Variants in EDA observed in about 807,000 individuals in gnomAD.
EDA encodes the protein ectodysplasin A.
A neutral mutation model predicts 23.6 loss-of-function variants in EDA; 2 were observed. The observed-to-expected ratio is 0.08, with a 90% CI of 0.03 to 0.27. The LOEUF (loss-of-function observed/expected upper bound fraction) is 0.27, where lower values mean the gene tolerates loss of function less well. Among genes scored for constraint, EDA ranks in the 10% least tolerant of loss-of-function variants. The pLI is 1.00. For missense variants in EDA, 229 were observed against 324.2 expected (o/e 0.71, Z 2.26); for synonymous variants, 131 against 132.0 (o/e 0.99, Z 0.05).
Position 69,969,947 on chromosome X carries a change from T to A in EDA, c.502+12815T>A, listed in dbSNP as rs762240408. On this transcript the variant is annotated intron_variant, in intron 2 of 7. Coordinates refer to ENST00000374552, the MANE Select transcript of EDA (RefSeq NM_001399.5). ...AGCAAGACCCCCATCTCAAAAAAAA[T>A]TTTTTTTAATTGGCCAAGCTGGGTG... Among the ~76,000 whole-genome samples the A allele has an allele frequency of 1.8e-3, 203 of 109,936 alleles. 1 individual carries two copies. The highest frequency in any genetic ancestry group is 3.1e-3 in the Admixed American group (32 of 10,281).
At chrX:69,881,134 T>A (rs1416332116) in intron 1 of EDA, among the ~76,000 whole-genome samples, 1 of 111,423 alleles carries the variant, frequency 9.0e-6, no homozygotes, top group African/African-American at 3.3e-5. Flanking sequence ...GCAAAGCCAG[T>A]GACCAGTTTG....
At chrX:69,671,694 G>A (rs1311671728) in intron 1 of EDA, among the ~76,000 whole-genome samples, 2 of 111,618 alleles carry the variant, frequency 1.8e-5, no homozygotes, top group Non-Finnish European at 1.9e-5. Context: ...AGCCATCCTG[G>A]GTTTGTGTGC....
At chrX:69,689,562 C>G (rs994173949) in intron 1 of EDA, among the ~76,000 whole-genome samples, 3 of 110,512 alleles carry the variant, frequency 2.7e-5, no homozygotes, top group Non-Finnish European at 5.7e-5. Flanking sequence ...GTCTCGAACT[C>G]CTGACCTCAT....
chrX:69,753,595 G>A (rs779762078), intron 1 of EDA, among the ~76,000 whole-genome samples: 1 of 111,868 alleles, frequency 8.9e-6, no homozygotes, highest in South Asian at 3.7e-4. Flanking sequence ...TATTAGGTCT[G>A]CTTGGTGCAG....
intron 1 of EDA, among the ~76,000 whole-genome samples, chrX:69,701,875 G>A (rs1015234501): frequency 9.0e-6 from 1 of 111,378 alleles, no homozygotes; most frequent in Non-Finnish European, 1.9e-5. Flanking sequence ...ATCCCAGTGG[G>A]GGTCCTGGTT....
At chrX:69,617,464 G>C (rs1932017811) in intron 1 of EDA, among the ~76,000 whole-genome samples, 2 of 111,088 alleles carry the variant, frequency 1.8e-5, no homozygotes, top group African/African-American at 6.6e-5. Context: ...CTTGAGAACG[G>C]GAATCTGCCA....
At chrX:69,936,983 T>G (rs903859714) in intron 1 of EDA, among the ~76,000 whole-genome samples, 3 of 110,167 alleles carry the variant, frequency 2.7e-5, no homozygotes, top group African/African-American at 9.9e-5. Context: ...TGTTTTCTTT[T>G]TTTAATCTGA....
intron 1 of EDA, among the ~76,000 whole-genome samples, chrX:69,940,650 C>G (rs1057181791): frequency 9.1e-6 from 1 of 109,658 alleles, no homozygotes; most frequent in African/African-American, 3.3e-5. Flanking sequence ...TCTTTTTTAA[C>G]TTTTGTGAGT....
At chrX:69,934,824 T>A (rs191085679) in intron 1 of EDA, among the ~76,000 whole-genome samples, 1 of 111,765 alleles carries the variant, frequency 8.9e-6, no homozygotes, top group East Asian at 2.8e-4. Flanking sequence ...TTTTAAAACG[T>A]ACAATAATAA....
chrX:69,658,433 A>G (rs1933386077), intron 1 of EDA, among the ~76,000 whole-genome samples: 1 of 110,906 alleles, frequency 9.0e-6, no homozygotes, highest in Non-Finnish European at 1.9e-5. Flanking sequence ...ATTGTCAGCA[A>G]CAAGAGATAA....
intron 1 of EDA, among the ~76,000 whole-genome samples, chrX:69,746,598 G>A (rs1333522247): frequency 1.8e-5 from 2 of 110,822 alleles, no homozygotes; most frequent in African/African-American, 6.6e-5. Context: ...TTGAAGTTTG[G>A]GGCATATAAA....
At chrX:69,715,403 C>A (rs1176869218) in intron 1 of EDA, among the ~76,000 whole-genome samples, 1 of 111,340 alleles carries the variant, frequency 9.0e-6, no homozygotes, top group Non-Finnish European at 1.9e-5. Context: ...CATCCATGTT[C>A]CTACAAAGGA....
intron 1 of EDA, among the ~76,000 whole-genome samples, chrX:69,666,523 A>G (rs961609842): frequency 2.7e-5 from 3 of 112,652 alleles, no homozygotes; most frequent in Non-Finnish European, 5.6e-5. Flanking sequence ...GCTTTTTTGA[A>G]TGCTTTTTCT....
At chrX:69,970,064 C>T (rs2019228010) in intron 2 of EDA, among the ~76,000 whole-genome samples, 1 of 111,316 alleles carries the variant, frequency 9.0e-6, no homozygotes, top group Non-Finnish European at 1.9e-5. Context: ...TATGACTGCA[C>T]CACTGCACTT....
chrX:69,865,919 T>C (rs1363614703), intron 1 of EDA, among the ~76,000 whole-genome samples: 2 of 112,492 alleles, frequency 1.8e-5, no homozygotes, highest in Admixed American at 9.4e-5. Flanking sequence ...GGAAATAAGA[T>C]GAAGATATTT....
At chrX:69,666,564 T>C (rs1343308815) in intron 1 of EDA, among the ~76,000 whole-genome samples, 3 of 112,931 alleles carry the variant, frequency 2.7e-5, no homozygotes, top group Non-Finnish European at 5.6e-5. Context: ...GTGGTTTTTA[T>C]CTTTCATTTT....
chrX:69,694,788 G>A (rs1397332355), intron 1 of EDA, among the ~76,000 whole-genome samples: 2 of 111,879 alleles, frequency 1.8e-5, no homozygotes, highest in African/African-American at 6.5e-5. Context: ...TCTGAAACAT[G>A]TATTAATAAC....
At chrX:69,650,801 A>C (rs748614125) in intron 1 of EDA, among the ~76,000 whole-genome samples, 2 of 111,441 alleles carry the variant, frequency 1.8e-5, no homozygotes, top group African/African-American at 3.3e-5. Context: ...AATTAGAATG[A>C]ACAGAGAAGG....
intron 1 of EDA, among the ~76,000 whole-genome samples, chrX:69,798,435 A>C (rs188614497): frequency 9.0e-6 from 1 of 111,669 alleles, no homozygotes; most frequent in Non-Finnish European, 1.9e-5. Flanking sequence ...AGTCTCAACA[A>C]ATTTTTAAAA....
Sources: allele counts gnomAD v4.1 joint callset (sites outside exome capture counted in the v4.1 genomes callset), GRCh38; gene constraint gnomAD v4.1.1; transcripts MANE v1.5; gene names NCBI Gene and HGNC (gene_info 2026-07-23, HGNC 2026-07-21).